The following JMJD1C variants were observed in gnomAD, a reference collection of about 807,000 sequenced individuals.
The protein encoded by JMJD1C is jumonji domain-containing protein 1C.
JMJD1C carries 31 observed loss-of-function variants against 245.3 expected under a neutral mutation model. The ratio of observed to expected loss-of-function variants is 0.13; its 90% CI spans 0.09 to 0.17. The LOEUF (loss-of-function observed/expected upper bound fraction) is 0.17. Ranked by LOEUF, JMJD1C falls within the 10% of genes least tolerant of loss-of-function variation. JMJD1C has a pLI of 1.00. For synonymous variants in JMJD1C, 1,057 were observed against 1,017.4 expected, an observed-to-expected ratio of 1.04 and a Z score of -0.74; for missense variants, 2,691 against 3,000.2, an observed-to-expected ratio of 0.90 and a Z score of 2.41.
intron 18 of JMJD1C, among the ~76,000 whole-genome samples, chr10:63,188,370 C>T (rs1844376072): frequency 6.6e-6 from 1 of 152,160 alleles, no homozygotes; most frequent in African/African-American, 2.4e-5. Context: ...ATTCAGCTTT[C>T]ATCAGATTTT....
At chr10:63,351,767 A>G (rs1050020122) in intron 2 of JMJD1C, among the ~76,000 whole-genome samples, 5 of 152,232 alleles carry the variant, frequency 3.3e-5, no homozygotes, top group Admixed American at 3.3e-4. Context: ...CAGGTCTGCA[A>G]GGAAAGCTAG....
chr10:63,440,003 C>G (rs1055971984), intron 1 of JMJD1C, among the ~76,000 whole-genome samples: 9 of 152,182 alleles, frequency 5.9e-5, no homozygotes, highest in African/African-American at 1.7e-4. Flanking sequence ...AATCTACAGA[C>G]AGTGTAAAGA....
In JMJD1C at chr10:63,413,824, T is replaced by C. The variant is rs1949631626; in HGVS notation, c.169-33342A>G. On this transcript the variant is annotated intron_variant, in intron 1 of 25. Transcript: ENST00000399262. ...TGGTAAAAATTAGAGAATTTCAAAA[T>C]TGCTAACACTGAAAAATACCAGATA... Among the ~76,000 whole-genome samples the C allele has an allele frequency of 2.0e-5, 3 of 152,178 alleles. No homozygotes were observed. In the South Asian group the frequency reaches 6.2e-4, roughly 32 times the overall value.
intron 1 of JMJD1C, among the ~76,000 whole-genome samples, chr10:63,382,406 G>A (rs1377095692): frequency 6.6e-6 from 1 of 152,074 alleles, no homozygotes; most frequent in African/African-American, 2.4e-5. Context: ...CTCAACATAT[G>A]ACGTTCAATT....
chr10:63,198,874 C>T (rs904220449), intron 11 of JMJD1C, 147 bp from the exon 12 acceptor site: 14 of 499,734 alleles, frequency 2.8e-5, no homozygotes, highest in African/African-American at 1.7e-4. Context: ...ATTCTTCACA[C>T]ACTAATTATT....
At chr10:63,363,178 T>C (rs16918384) in intron 2 of JMJD1C, among the ~76,000 whole-genome samples, 5,580 of 151,280 alleles carry the variant, frequency 0.037, 330 homozygotes, top group East Asian at 0.29. Context: ...GTACTGTAAG[T>C]GGTGAAGAGG....
chr10:63,318,676 T>TA lies in JMJD1C; in HGVS notation c.334-53913dup, dbSNP rs1271204746. Among the ~76,000 whole-genome samples the TA allele has an allele frequency of 3.5e-3, 514 of 148,106 alleles. 2 individuals carry two copies. The highest frequency in any genetic ancestry group is 0.012 in the African/African-American group (482 of 40,586). ...GTGATTTTCTAAACAAACTGGAATT[T>TA]AAAAAAAAAAAGTTTCTTTGGCATA... On this transcript the variant is annotated intron_variant, in intron 2 of 25. Coordinates refer to ENST00000399262, the MANE Select transcript of JMJD1C (RefSeq NM_032776.3).
intron 2 of JMJD1C, among the ~76,000 whole-genome samples, chr10:63,356,845 T>C (rs1351943315): frequency 6.6e-6 from 1 of 152,126 alleles, no homozygotes; most frequent in Non-Finnish European, 1.5e-5. Flanking sequence ...TTTATACTAT[T>C]CACAACTATT....
chr10:63,435,900 A>G (rs58720654), intron 1 of JMJD1C, among the ~76,000 whole-genome samples: 21,942 of 152,168 alleles, frequency 0.14, 3,738 homozygotes, highest in African/African-American at 0.41. Flanking sequence ...CGCTGTCTCA[A>G]ACAAACAAAC....
In JMJD1C at chr10:63,512,913, T is replaced by C. The variant is rs183488038; in HGVS notation, n.113+8825A>G. On this transcript the variant is annotated intron_variant and non_coding_transcript_variant, in intron 1 of 3. Transcript: ENST00000633035. ...TCATTTTTCTTCTTGCTTTCCAGTT[T>C]TGGAAGCTTTTTGTAATATCCTCAA... Among the ~76,000 whole-genome samples, 729 of 152,350 alleles carry C rather than the reference T, an allele frequency of 4.8e-3. 7 individuals are homozygous for C. Among genetic ancestry groups the C allele is most frequent in the South Asian group, 0.019 (90 of 4,832 alleles).
At chr10:63,222,925 A>G in intron 3 of JMJD1C, 1 of 1,505,186 alleles carries the variant, frequency 6.6e-7, no homozygotes, top group East Asian at 2.3e-5. Flanking sequence ...TAAAAGACAG[A>G]AATGAACCCT....
chr10:63,313,025 G>A (rs1298429613), intron 2 of JMJD1C, among the ~76,000 whole-genome samples: 15 of 151,988 alleles, frequency 9.9e-5, no homozygotes, highest in Non-Finnish European at 2.2e-4. Context: ...GGTGATTTGT[G>A]GGATTTTGGT....
intron 2 of JMJD1C, among the ~76,000 whole-genome samples, chr10:63,322,150 A>T (rs1479734382): frequency 1.3e-5 from 2 of 152,128 alleles, no homozygotes; most frequent in African/African-American, 2.4e-5. Flanking sequence ...CTACATGTTT[A>T]TTCTCTCTCA....
chr10:63,462,329 T>C (rs12255644), intron 1 of JMJD1C, among the ~76,000 whole-genome samples: 4,451 of 152,300 alleles, frequency 0.029, 235 homozygotes, highest in African/African-American at 0.1. Flanking sequence ...AATATCACTA[T>C]AACCCCTGGC....
rs186654361 is a variant in JMJD1C at position 63,168,931 on chromosome 10, G to A, written c.7402-365C>T. On this transcript the variant is annotated intron_variant, in intron 24 of 25. Transcript: ENST00000399262. ...AAAGAATTTATGAGGCAATCTATCT[G>A]AGTATGTTTATTGTTGCTCCATTGG... is the stretch of plus-strand genomic sequence containing the variant. Among the ~76,000 whole-genome samples the A allele has an allele frequency of 6.6e-5, 10 of 152,290 alleles. No homozygotes were observed. The East Asian group carries it at 1.7e-3, about 26-fold the overall frequency.
chr10:63,368,814 G>T (rs1946065981), intron 2 of JMJD1C, among the ~76,000 whole-genome samples: 3 of 152,006 alleles, frequency 2.0e-5, no homozygotes, highest in Admixed American at 1.3e-4. Context: ...AGCCTCCCAA[G>T]TAGCTGGGAC....
chr10:63,393,035 G>C (rs1948203338), intron 1 of JMJD1C, among the ~76,000 whole-genome samples: 1 of 151,978 alleles, frequency 6.6e-6, no homozygotes, highest in African/African-American at 2.4e-5. Flanking sequence ...CAGAGGCCAA[G>C]TTAGGGAGAT....
At chr10:63,451,129 T>G (rs1456449638) in intron 1 of JMJD1C, among the ~76,000 whole-genome samples, 1 of 152,144 alleles carries the variant, frequency 6.6e-6, no homozygotes, top group African/African-American at 2.4e-5. Flanking sequence ...CAAAGGAAAT[T>G]AAACACACAA....
intron 2 of JMJD1C, among the ~76,000 whole-genome samples, chr10:63,341,031 A>T (rs572103042): frequency 3.3e-5 from 5 of 152,246 alleles, no homozygotes; most frequent in South Asian, 2.1e-4. Context: ...GTACAAAGCT[A>T]AAAATGAAGA....
Sources: allele counts gnomAD v4.1 joint callset (sites outside exome capture counted in the v4.1 genomes callset), GRCh38; gene constraint gnomAD v4.1.1; transcripts MANE v1.5; gene names NCBI Gene and HGNC (gene_info 2026-07-23, HGNC 2026-07-21).